The following MRGPRX3 variants were observed in gnomAD, a reference collection of about 807,000 sequenced individuals.
MRGPRX3 encodes mas-related G protein-coupled receptor member X3.
MRGPRX3 carries 14 observed loss-of-function variants against 16.5 expected under a neutral mutation model. That is an observed-to-expected ratio of 0.85 (90% CI 0.56 to 1.33). The LOEUF is 1.33. MRGPRX3 is among the 40% of genes most tolerant of loss of function. The pLI is 0.00. For synonymous variants in MRGPRX3, 199 were observed against 180.1 expected, an observed-to-expected ratio of 1.10 and a Z score of -0.84; for missense variants, 449 against 413.0, an observed-to-expected ratio of 1.09 and a Z score of -0.76.
At chr11:18,125,412 G>C (rs1388748871) in intron 1 of MRGPRX3, among the ~76,000 whole-genome samples, 2 of 152,150 alleles carry the variant, frequency 1.3e-5, no homozygotes, top group African/African-American at 4.8e-5. Flanking sequence ...TGGTTTCAAA[G>C]AACATATTTA....
intron 1 of MRGPRX3, 76 bp from the exon 2 acceptor site, chr11:18,137,102 T>A: frequency 7.0e-7 from 1 of 1,426,468 alleles, no homozygotes; most frequent in Non-Finnish European, 9.5e-7. Context: ...ATGAGGACAG[T>A]AAATCCCACA....
In MRGPRX3 at chr11:18,137,253, A is replaced by G. The variant is rs779456409; in HGVS notation, c.51A>G (p.Gly17=). Reference sequence around the variant, plus strand: ...GTACAGAACTGACACCAATCAACGGACGTGAGGAGACTCCTTGCTACAAGC... The same window carrying G: ...GTACAGAACTGACACCAATCAACGGGCGTGAGGAGACTCCTTGCTACAAGC... ...VLGTELTPIN[G]REETPCYKQT... Residue 17 remains glycine (G), a synonymous_variant, in exon 2 of 2, where the codon GGA becomes GGG. Transcript: ENST00000621697. The G allele has an allele frequency of 9.3e-6, 15 of 1,613,622 alleles. No homozygotes were observed. In the South Asian group the frequency reaches 1.6e-4, roughly 18 times the overall value.
In MRGPRX3 at chr11:18,137,377, A is replaced by G. The variant is rs1849018232; in HGVS notation, c.175A>G (p.Asn59Asp). 3 of 1,614,166 alleles carry G rather than the reference A, an allele frequency of 1.9e-6. No individual in the cohort carries two copies. The East Asian group carries it at 6.7e-5, about 36-fold the overall frequency. ...GCTCCTGGGCTGCCGCATGCGCAGG[A>G]ACGCTGTCTCCATCTACATCCTCAA... ...LWLLGCRMRR[N>D]AVSIYILNLV... The change falls in exon 2 of 2, where the codon AAC (asparagine) becomes GAC (aspartate). Residue 59 changes from asparagine (N) to aspartate (D), a missense_variant. By Grantham distance (23) the Asn-to-Asp change is conservative (BLOSUM62 1). Coordinates refer to ENST00000621697, the MANE Select transcript of MRGPRX3 (RefSeq NM_001370464.1).
Position 18,137,565 on chromosome 11 carries a change from C to G in MRGPRX3, c.363C>G (p.Cys121Trp). The change falls in exon 2 of 2, where the codon TGC becomes TGG. Residue 121 changes from cysteine to tryptophan, a missense_variant. Cys to Trp is a radical substitution (Grantham distance 215). Coordinates refer to ENST00000621697, the MANE Select transcript of MRGPRX3 (RefSeq NM_001370464.1). The part of the protein sequence containing the change: ...SMLSAISTER[C>W]LSILWPIWYH... ...TGAGCGCCATCAGCACCGAGCGCTGCCTGTCCATCCTGTGGCCCATCTGGT... is the reference window on the plus strand; with the variant it reads ...TGAGCGCCATCAGCACCGAGCGCTGGCTGTCCATCCTGTGGCCCATCTGGT... 6.2e-7 allele frequency: 1 copy of G among 1,614,206 alleles called. No homozygotes were observed. Among genetic ancestry groups the G allele is most frequent in the Non-Finnish European group, 8.5e-7 (1 of 1,180,038 alleles).
chr11:18,129,631 C>T (rs1426405453), upstream of MRGPRX3, among the ~76,000 whole-genome samples: 1 of 152,102 alleles, frequency 6.6e-6, no homozygotes, highest in Non-Finnish European at 1.5e-5. Context: ...GGTATCAATC[C>T]TACTGAAGCT....
At chr11:18,136,130 G>C (rs556286531) in intron 1 of MRGPRX3, among the ~76,000 whole-genome samples, 1 of 152,044 alleles carries the variant, frequency 6.6e-6, no homozygotes, top group Non-Finnish European at 1.5e-5. Context: ...ACAAAGAAAC[G>C]CTACCAAAGA....
upstream of MRGPRX3, among the ~76,000 whole-genome samples, chr11:18,127,934 T>C (rs1165623860): frequency 2.6e-5 from 4 of 152,348 alleles, no homozygotes; most frequent in Admixed American, 2.0e-4. Context: ...CATGGTGATA[T>C]ACAGATGGGG....
At chr11:18,133,845 C>T (rs1396719717) in intron 1 of MRGPRX3, among the ~76,000 whole-genome samples, 2 of 152,210 alleles carry the variant, frequency 1.3e-5, no homozygotes, top group African/African-American at 4.8e-5. Flanking sequence ...AGGTGCTTTC[C>T]TGCTGTCTTC....
At chr11:18,126,175 G>A (rs1848893410) in intron 1 of MRGPRX3, among the ~76,000 whole-genome samples, 1 of 152,140 alleles carries the variant, frequency 6.6e-6, no homozygotes, top group Non-Finnish European at 1.5e-5. Context: ...TTTAATTGGA[G>A]CATTTAGCCC....
chr11:18,135,652 T>C (rs1849001360), intron 1 of MRGPRX3, among the ~76,000 whole-genome samples: 2 of 152,196 alleles, frequency 1.3e-5, no homozygotes, highest in South Asian at 4.1e-4. Context: ...ATTCTCTATC[T>C]GGAGTTTGTT....
chr11:18,132,010 C>A (rs188652403), upstream of MRGPRX3, among the ~76,000 whole-genome samples: 17 of 152,186 alleles, frequency 1.1e-4, no homozygotes, highest in East Asian at 3.3e-3. Context: ...CACTAAAGAA[C>A]TTATCCATGG....
chr11:18,138,239 A>T lies in MRGPRX3; in HGVS notation c.*68A>T. The stretch of plus-strand genomic sequence containing the variant: ...CTGCCCTGCCACCCTTGACAATTAT[A>T]TGCATTTTTCTTAGCCTTCTGCCTC... On this transcript the variant is annotated 3_prime_UTR_variant, in exon 2 of 2. Transcript: ENST00000621697. 2 of 1,520,774 alleles carry T rather than the reference A, an allele frequency of 1.3e-6. No homozygotes were observed. The highest frequency in any genetic ancestry group is 1.8e-6 in the Non-Finnish European group (2 of 1,136,732). The allele number at this position is 1,520,774 out of a possible 1,614,324, so 94.2% of individuals were successfully genotyped here. A position where few individuals can be genotyped will look rare whatever the true frequency, so the allele number is the denominator to read the frequency against.
chr11:18,133,503 G>A (rs1848981631), intron 1 of MRGPRX3, among the ~76,000 whole-genome samples: 1 of 152,332 alleles, frequency 6.6e-6, no homozygotes, highest in South Asian at 2.1e-4. Context: ...TTGCATGAAT[G>A]TTTTAACACC....
intron 1 of MRGPRX3, among the ~76,000 whole-genome samples, chr11:18,126,676 G>A (rs1475905466): frequency 2.0e-5 from 3 of 151,744 alleles, no homozygotes; most frequent in Non-Finnish European, 4.4e-5. Context: ...AGTGTGTGAT[G>A]TTCCCCTTCC....
rs1305712424 is a variant in MRGPRX3, at chr11:18,132,622, G to A, written c.-143G>A. ...ACCAGCTTTCATTTCAGCTCCTGTA[G>A]GCATCTCCTGAATTAAGCAACACAG... On this transcript the variant is annotated 5_prime_UTR_variant, in exon 1 of 2. Transcript: ENST00000621697. 2 of 152,136 alleles carry A rather than the reference G, an allele frequency of 1.3e-5. No individual in the cohort carries two copies. The highest frequency in any genetic ancestry group is 2.9e-5 in the Non-Finnish European group (2 of 68,044). 9.4% of individuals were successfully genotyped at this position (152,136 alleles called of 1,614,324 possible). A position where few individuals can be genotyped will look rare whatever the true frequency, so the allele number is the denominator to read the frequency against.
rs767562857 is a variant in MRGPRX3, at chr11:18,137,745, C to T, written c.543C>T (p.Ile181=). Residue 181 remains isoleucine (I), a synonymous_variant, in exon 2 of 2, where the codon ATC becomes ATT. Coordinates refer to ENST00000621697, the MANE Select transcript of MRGPRX3 (RefSeq NM_001370464.1). The part of the protein sequence containing the change: ...VWCETSDFIT[I]AWLVFLCVVL... ...GTGAAACGTCAGATTTCATTACAAT[C>T]GCGTGGCTGGTTTTTTTATGTGTGG... 55 of 1,613,940 alleles carry T rather than the reference C, an allele frequency of 3.4e-5. No individual in the cohort carries two copies. The highest frequency in any genetic ancestry group is 3.4e-4 in the South Asian group (31 of 91,058).
intron 1 of MRGPRX3, among the ~76,000 whole-genome samples, chr11:18,124,882 T>G (rs1848876432): frequency 6.6e-6 from 1 of 152,240 alleles, no homozygotes; most frequent in Non-Finnish European, 1.5e-5. Flanking sequence ...TACTGGTCTA[T>G]TCAGAGATTC....
intron 1 of MRGPRX3, among the ~76,000 whole-genome samples, chr11:18,126,134 G>A (rs1395497628): frequency 6.6e-6 from 1 of 152,154 alleles, no homozygotes; most frequent in Non-Finnish European, 1.5e-5. Context: ...GATGGGTCTT[G>A]ACTCTTTATC....
chr11:18,137,561 G>C lies in MRGPRX3; in HGVS notation c.359G>C (p.Arg120Pro). 1.2e-6 allele frequency: 2 copies of C among 1,614,076 alleles called. No individual in the cohort carries two copies. The highest frequency in any genetic ancestry group is 1.1e-5 in the South Asian group (1 of 91,070). The change falls in exon 2 of 2, where the codon CGC (arginine) becomes CCC (proline). Residue 120 changes from arginine to proline, a missense_variant. Arg to Pro is a moderately radical substitution (Grantham distance 103, BLOSUM62 -2). Transcript: ENST00000621697. ...ATGCTGAGCGCCATCAGCACCGAGC[G>C]CTGCCTGTCCATCCTGTGGCCCATC... The part of the protein sequence containing the change: ...LSMLSAISTE[R>P]CLSILWPIWY...
Sources: allele counts gnomAD v4.1 joint callset (sites outside exome capture counted in the v4.1 genomes callset), GRCh38; gene constraint gnomAD v4.1.1; transcripts MANE v1.5; gene names NCBI Gene and HGNC (gene_info 2026-07-23, HGNC 2026-07-21).